TAF4: variants seen among roughly 807,000 people sequenced by gnomAD.
TAF4 encodes TATA-box binding protein associated factor 4.
TAF4 carries 9 observed loss-of-function variants against 90.3 expected under a neutral mutation model. The ratio of observed to expected loss-of-function variants is 0.10; its 90% CI spans 0.06 to 0.17. The LOEUF (loss-of-function observed/expected upper bound fraction) is 0.17, where lower values mean the gene tolerates loss of function less well. Among genes scored for constraint, TAF4 ranks in the 10% least tolerant of loss-of-function variants. TAF4 has a pLI of 1.00. For missense variants in TAF4, 1,351 were observed against 1,370.7 expected (o/e 0.99, Z 0.23); for synonymous variants, 818 against 638.9 (o/e 1.28, Z -4.23).
chr20:62,063,742 G>A lies in TAF4; in HGVS notation c.1360+709C>T, dbSNP rs28381995. ...TTTAGGCACCAACGCAGCTCTGGAA[G>A]AGACAGTGACACACACGGTGCTGAA... On this transcript the variant is annotated intron_variant, in intron 1 of 14. Coordinates refer to ENST00000252996, the MANE Select transcript of TAF4 (RefSeq NM_003185.4). Among the ~76,000 whole-genome samples the A allele has an allele frequency of 2.6e-3, 399 of 152,348 alleles. 2 individuals are homozygous for A. The highest frequency in any genetic ancestry group is 8.9e-3 in the African/African-American group (369 of 41,584).
chr20:62,064,773 C>T lies in TAF4; in HGVS notation c.1038G>A (p.Ser346=), dbSNP rs1456612013. 2.7e-6 allele frequency: 3 copies of T among 1,123,044 alleles called. No individual in the cohort carries two copies. Among genetic ancestry groups the T allele is most frequent in the South Asian group, 4.1e-5 (1 of 24,510 alleles). The allele number at this position is 1,123,044 out of a possible 1,614,324, so 69.6% of individuals were successfully genotyped here. A position where few individuals can be genotyped will look rare whatever the true frequency, so the allele number is the denominator to read the frequency against. Residue 346 remains serine, a synonymous_variant, in exon 1 of 15, where the codon TCG becomes TCA. Coordinates refer to ENST00000252996, the MANE Select transcript of TAF4 (RefSeq NM_003185.4). ...AAPAPGVKAE[S]PKRVVQAAPP... ...GCGCCGCCTGCACCACCCTCTTGGGCGACTCGGCCTTGACCCCCGGCGCCG... is the reference window on the plus strand; with the variant it reads ...GCGCCGCCTGCACCACCCTCTTGGGTGACTCGGCCTTGACCCCCGGCGCCG...
rs1043698440 is a variant in TAF4, at chr20:62,006,398, G to A, written c.2223+112C>T. 1.6e-5 allele frequency: 20 copies of A among 1,252,842 alleles called. No individual in the cohort carries two copies. The African/African-American group carries it at 2.9e-4, about 18-fold the overall frequency. 77.6% of individuals were successfully genotyped at this position (1,252,842 alleles called of 1,614,324 possible). A position where few individuals can be genotyped will look rare whatever the true frequency, so the allele number is the denominator to read the frequency against. On this transcript the variant is annotated intron_variant, in intron 7 of 14. Coordinates refer to ENST00000252996, the MANE Select transcript of TAF4 (RefSeq NM_003185.4). This position sits in a 1 kb window ranked among gnomAD's most constrained non-coding sequence, Gnocchi z 7.0. ...AATACCCAAGCTTCCTCTAGCAGGA[G>A]GCTTCCTGCATGCTTGGAAAAGGTT...
At chr20:61,983,701 T>C (rs1186832706) in intron 14 of TAF4, among the ~76,000 whole-genome samples, 2 of 152,188 alleles carry the variant, frequency 1.3e-5, no homozygotes, top group Non-Finnish European at 2.9e-5. Flanking sequence ...TAAAATATTA[T>C]GATAGAGTCA....
intron 14 of TAF4, among the ~76,000 whole-genome samples, chr20:61,992,525 G>A (rs578090869): frequency 2.1e-4 from 31 of 150,984 alleles, no homozygotes; most frequent in Admixed American, 3.3e-4. Context: ...AGATAAAGAC[G>A]TCATTTTGAA....
At chr20:62,057,023 T>C (rs998043706) in intron 1 of TAF4, among the ~76,000 whole-genome samples, 9 of 152,216 alleles carry the variant, frequency 5.9e-5, no homozygotes, top group African/African-American at 2.2e-4. Context: ...GTGGCTCCTA[T>C]GAACACCACG....
Position 62,064,411 on chromosome 20 carries a change from T to C in TAF4, c.1360+40A>G. 3 of 1,282,194 alleles carry C rather than the reference T, an allele frequency of 2.3e-6. No homozygotes were observed. In the South Asian group the frequency reaches 7.7e-5, roughly 33 times the overall value. 79.4% of individuals were successfully genotyped at this position (1,282,194 alleles called of 1,614,324 possible). A position where few individuals can be genotyped will look rare whatever the true frequency, so the allele number is the denominator to read the frequency against. ...TCCTGGAACTGGCAGCTGGCGCTGC[T>C]GGGAGCCGCCCTTCCCTCCCGCCCC... On this transcript the variant is annotated intron_variant, in intron 1 of 14. Coordinates refer to ENST00000252996, the MANE Select transcript of TAF4 (RefSeq NM_003185.4).
At chr20:62,037,067 G>A (rs2055936454) in intron 1 of TAF4, among the ~76,000 whole-genome samples, 1 of 152,182 alleles carries the variant, frequency 6.6e-6, no homozygotes, top group African/African-American at 2.4e-5. Flanking sequence ...CCAGTCTATG[G>A]TATTTTGTTA....
In TAF4 at chr20:62,000,510, G is replaced by A. The variant is rs28382105; in HGVS notation, c.2656+42C>T. The A allele has an allele frequency of 6.3e-3, 9,969 of 1,591,736 alleles. 110 individuals carry two copies. The highest frequency in any genetic ancestry group is 0.033 in the South Asian group (2,949 of 88,986). ...CCTGAAGCTCCCATGCCCCAGCAGC[G>A]CAGCTGTTTAATAAGAACTCAGTCA... On this transcript the variant is annotated intron_variant, in intron 10 of 14. Coordinates refer to ENST00000252996, the MANE Select transcript of TAF4 (RefSeq NM_003185.4).
chr20:62,036,264 A>G (rs931982741), intron 1 of TAF4, among the ~76,000 whole-genome samples: 1 of 152,198 alleles, frequency 6.6e-6, no homozygotes, highest in African/African-American at 2.4e-5. Flanking sequence ...ACCTCAGGTG[A>G]TCCACCCGCC....
intron 7 of TAF4, chr20:62,004,548 G>A (rs2055732171): frequency 6.6e-6 from 1 of 151,564 alleles, no homozygotes; most frequent in South Asian, 2.1e-4. Context: ...GGTTGGTCTT[G>A]AACTCCTAGG....
chr20:62,013,217 G>A (rs765525498), intron 2 of TAF4, among the ~76,000 whole-genome samples: 4 of 152,196 alleles, frequency 2.6e-5, no homozygotes, highest in South Asian at 2.1e-4. Context: ...ATCAATCCTC[G>A]TGCTGCTGGC....
At chr20:62,005,916 C>T (rs892483464) in intron 7 of TAF4, 1 of 152,264 alleles carries the variant, frequency 6.6e-6, no homozygotes, top group South Asian at 2.1e-4. Flanking sequence ...TGGTGAATCC[C>T]TCTGCCCATG....
chr20:62,042,263 G>C (rs2055968005), intron 1 of TAF4, among the ~76,000 whole-genome samples: 1 of 152,206 alleles, frequency 6.6e-6, no homozygotes, highest in Non-Finnish European at 1.5e-5. Context: ...GAGGAGATCG[G>C]CTGCGGGACG....
intron 12 of TAF4, 50 bp downstream of exon 12, chr20:61,998,933 T>C (rs780813293): frequency 1.9e-6 from 3 of 1,601,940 alleles, no homozygotes; most frequent in East Asian, 2.2e-5. Flanking sequence ...CATCAGGTTG[T>C]GGCTGAGACG....
chr20:62,034,110 C>A (rs2055919408), intron 1 of TAF4, among the ~76,000 whole-genome samples: 1 of 151,690 alleles, frequency 6.6e-6, no homozygotes, highest in African/African-American at 2.4e-5. Flanking sequence ...ACACCTGAGA[C>A]CCCAACAAGC....
rs75287459 is a variant in TAF4 at position 62,042,218 on chromosome 20, G to C, written c.1360+22233C>G. Among the ~76,000 whole-genome samples, 1,430 of 152,328 alleles carry C rather than the reference G, an allele frequency of 9.4e-3. 8 individuals are homozygous for C. The highest frequency in any genetic ancestry group is 0.038 in the South Asian group (183 of 4,822). ...GAAGGAGAAAAGAGAAGGAGCGTCTGAATGTCGAGAGGGGTTTGGCTGGGC... is the reference window on the plus strand; with the variant it reads ...GAAGGAGAAAAGAGAAGGAGCGTCTCAATGTCGAGAGGGGTTTGGCTGGGC... On this transcript the variant is annotated intron_variant, in intron 1 of 14. Transcript: ENST00000252996.
chr20:61,996,794 T>C (rs1367482731), intron 14 of TAF4, among the ~76,000 whole-genome samples: 1 of 118,898 alleles, frequency 8.4e-6, no homozygotes, highest in African/African-American at 3.8e-5. Context: ...CAAGACTGTC[T>C]CAAAAAAAAA....
At chr20:61,977,514 C>T (rs557226535) in intron 14 of TAF4, among the ~76,000 whole-genome samples, 2 of 152,226 alleles carry the variant, frequency 1.3e-5, no homozygotes, top group Admixed American at 6.5e-5. Context: ...CTTCCTCCCC[C>T]CTTCCCCGTT....
At position 62,012,846 on chromosome 20, in the gene TAF4, C is replaced by A; in HGVS notation, c.1610G>T (p.Ser537Ile). The A allele has an allele frequency of 6.2e-7, 1 of 1,613,958 alleles. No individual in the cohort carries two copies. Among genetic ancestry groups the A allele is most frequent in the Non-Finnish European group, 8.5e-7 (1 of 1,179,968 alleles). The change falls in exon 3 of 15, where the codon AGT (serine) becomes ATT (isoleucine). Residue 537 changes from serine (S) to isoleucine (I), a missense_variant. Coordinates refer to ENST00000252996, the MANE Select transcript of TAF4 (RefSeq NM_003185.4). ...GCCGGGCGAGCGCTGCAGGGTTGCA[C>A]TGGGCTGCACCGTTGTCTGGGCCTG... Reference protein sequence around the residue: ...VSQAQTTVQPSATLQRSPGVQ... With the variant: ...VSQAQTTVQPIATLQRSPGVQ...
Sources: gnomAD v4.1 joint callset for allele counts (sites outside exome capture counted in the v4.1 genomes callset) on GRCh38, gnomAD v4.1.1 for gene constraint, Gnocchi (gnomAD v3.1) non-coding constraint, MANE v1.5 for transcripts, NCBI Gene and HGNC (gene_info 2026-07-23, HGNC 2026-07-21) for gene names.